The following TDP1 variants were observed in gnomAD, a reference collection of about 807,000 sequenced individuals.
TDP1 encodes the protein tyr-DNA phosphodiesterase 1.
In TDP1, 64 loss-of-function variants were observed where a neutral mutation model predicts 81.5. That is an observed-to-expected ratio of 0.79 (90% CI 0.64 to 0.97). The LOEUF is 0.97. Among genes scored for constraint, TDP1 ranks in the 50% least tolerant of loss-of-function variants. TDP1 has a pLI of 0.00. For synonymous variants in TDP1, 256 were observed against 264.3 expected, an observed-to-expected ratio of 0.97 and a Z score of 0.30; for missense variants, 723 against 743.8, an observed-to-expected ratio of 0.97 and a Z score of 0.33.
chr14:89,977,911 T>A (rs189164241), intron 7 of TDP1, among the ~76,000 whole-genome samples: 1 of 152,282 alleles, frequency 6.6e-6, no homozygotes, highest in East Asian at 1.9e-4. Flanking sequence ...TGTTTTAGAA[T>A]GGGAAAGCTC....
intron 15 of TDP1, among the ~76,000 whole-genome samples, chr14:90,020,633 C>T (rs1166328467): frequency 1.0e-4 from 6 of 57,804 alleles, no homozygotes; most frequent in Admixed American, 1.7e-4. Context: ...CCTCCCTCCC[C>T]GCCTTCCTTC....
At chr14:90,026,763 T>G (rs559509902) in intron 15 of TDP1, among the ~76,000 whole-genome samples, 2 of 152,182 alleles carry the variant, frequency 1.3e-5, no homozygotes, top group Admixed American at 1.3e-4. Context: ...TCCAGCTTCA[T>G]CCATGTCCCT....
intron 14 of TDP1, among the ~76,000 whole-genome samples, chr14:90,000,941 T>C (rs1897134604): frequency 6.6e-6 from 1 of 152,230 alleles, no homozygotes; most frequent in Admixed American, 6.5e-5. Context: ...CCATATTTAC[T>C]TGGGTATGTA....
chr14:90,015,980 T>C (rs1381706636), intron 14 of TDP1, among the ~76,000 whole-genome samples: 1 of 152,118 alleles, frequency 6.6e-6, no homozygotes, highest in African/African-American at 2.4e-5. Flanking sequence ...ATGTTTCCAA[T>C]TAGGTGGGCC....
intron 10 of TDP1, chr14:89,986,923 T>C (rs1188518053): frequency 6.6e-6 from 1 of 152,258 alleles, no homozygotes; most frequent in Non-Finnish European, 1.5e-5. Context: ...GCCCTCTAGG[T>C]AGGCATTCAG....
rs894712170 is a variant in TDP1 at position 90,036,627 on chromosome 14, T to G, written c.1753+3413T>G. On this transcript the variant is annotated intron_variant, in intron 16 of 16. Transcript: ENST00000335725. ...TGCAGTAGTTACTGTTTATTCATTCTCTCCACAGATCTATATTGAGAGCCT... is the reference window on the plus strand; with the variant it reads ...TGCAGTAGTTACTGTTTATTCATTCGCTCCACAGATCTATATTGAGAGCCT... Among the ~76,000 whole-genome samples, 3 of 152,210 alleles carry G rather than the reference T, an allele frequency of 2.0e-5. 1 individual carries two copies. Among genetic ancestry groups the G allele is most frequent in the Middle Eastern group, 3.4e-3 (1 of 294 alleles).
intron 6 of TDP1, among the ~76,000 whole-genome samples, chr14:89,971,852 C>G (rs770014364): frequency 7.2e-5 from 11 of 152,016 alleles, no homozygotes; most frequent in Non-Finnish European, 4.4e-5. Context: ...TTTGTGACAC[C>G]TTATGTAACT....
chr14:89,964,988 C>T, intron 3 of TDP1: 1 of 260,092 alleles, frequency 3.8e-6, no homozygotes, highest in Non-Finnish European at 7.7e-6. Flanking sequence ...TAGCACTCTA[C>T]CATGTGCCAT....
chr14:89,997,891 A>C (rs1418190540), intron 14 of TDP1, among the ~76,000 whole-genome samples: 1 of 152,112 alleles, frequency 6.6e-6, no homozygotes, highest in African/African-American at 2.4e-5. Context: ...TATGCACCAC[A>C]CACTTTTCTA....
chr14:89,987,849 G>A (rs116985495), intron 10 of TDP1, among the ~76,000 whole-genome samples: 2,360 of 152,176 alleles, frequency 0.016, 36 homozygotes, highest in Non-Finnish European at 0.024. Context: ...TTGGGGAATA[G>A]TAGGGAAAAA....
chr14:90,015,727 A>T (rs1469427021), intron 14 of TDP1, among the ~76,000 whole-genome samples: 1 of 152,126 alleles, frequency 6.6e-6, no homozygotes, highest in African/African-American at 2.4e-5. Flanking sequence ...TCTCCTTTAT[A>T]AGGGCACCAG....
rs891566847 is a variant in TDP1 at position 89,963,408 on chromosome 14, A to G, written c.294A>G (p.Pro98=). ...CLSSSDDELQ[P]EMPQKQAEKV... is the part of the protein sequence containing the mutation. ...CCAGCAGTGATGATGAGCTGCAACC[A>G]GAAATGCCGCAGAAGCAGGCTGAGA... Residue 98 remains proline, a synonymous_variant, in exon 3 of 17, where the codon CCA becomes CCG. Coordinates refer to ENST00000335725, the MANE Select transcript of TDP1 (RefSeq NM_018319.4). The G allele has an allele frequency of 1.2e-6, 2 of 1,614,094 alleles. No individual in the cohort carries two copies. Among genetic ancestry groups the G allele is most frequent in the African/African-American group, 2.7e-5 (2 of 74,944 alleles).
chr14:89,967,384 C>A lies in TDP1; in HGVS notation c.621C>A (p.Asp207Glu), dbSNP rs746662161. 8 of 1,613,922 alleles carry A rather than the reference C, an allele frequency of 5.0e-6. No homozygotes were observed. The African/African-American group carries it at 8.0e-5, about 16-fold the overall frequency. Residue 207 changes from aspartate (D) to glutamate (E), a missense_variant, in exon 5 of 17, where the codon GAC becomes GAA. Coordinates refer to ENST00000335725, the MANE Select transcript of TDP1 (RefSeq NM_018319.4). ...VSSAQFNYCFDVDWLVKQYPP... is the reference protein window; with the variant it reads ...VSSAQFNYCFEVDWLVKQYPP... ...CCATCTAGTTTAACTACTGCTTTGACGTGGACTGGCTCGTAAAACAGTATC... is the reference window on the plus strand; with the variant it reads ...CCATCTAGTTTAACTACTGCTTTGAAGTGGACTGGCTCGTAAAACAGTATC...
intron 14 of TDP1, among the ~76,000 whole-genome samples, chr14:90,011,039 C>T (rs1884639115): frequency 6.6e-6 from 1 of 152,232 alleles, no homozygotes; most frequent in Admixed American, 6.5e-5. Flanking sequence ...TTTTCCTGTG[C>T]TGTTCTCATG....
At chr14:90,001,874 C>T (rs1343159955) in intron 14 of TDP1, among the ~76,000 whole-genome samples, 1 of 151,620 alleles carries the variant, frequency 6.6e-6, no homozygotes, top group Non-Finnish European at 1.5e-5. Context: ...TTTTGAATAT[C>T]TTCTCACTGC....
At chr14:90,023,259 G>A (rs757093547) in intron 15 of TDP1, among the ~76,000 whole-genome samples, 7 of 152,186 alleles carry the variant, frequency 4.6e-5, no homozygotes, top group South Asian at 2.1e-4. Context: ...AAAGGAGTAT[G>A]AGCTTAACTG....
At chr14:89,961,879 C>G (rs144291731) in intron 2 of TDP1, among the ~76,000 whole-genome samples, 2 of 152,180 alleles carry the variant, frequency 1.3e-5, no homozygotes, top group Non-Finnish European at 2.9e-5. Flanking sequence ...AGCAGAAACT[C>G]GAAGATACTG....
intron 10 of TDP1, among the ~76,000 whole-genome samples, chr14:89,987,361 TTAAAGAAAGTGATGATA>T (rs1414206623): frequency 3.1e-4 from 47 of 152,132 alleles, no homozygotes; most frequent in Non-Finnish European, 5.4e-4. Context: ...GAAAGTGACT[TTAAAGAAAGTGATGATA>T]TAAAGAAAGT....
chr14:89,986,790 T>C (rs1039190114), intron 10 of TDP1, among the ~76,000 whole-genome samples: 1 of 152,262 alleles, frequency 6.6e-6, no homozygotes, highest in Non-Finnish European at 1.5e-5. Flanking sequence ...ATGGAAACTT[T>C]GGGCTTTTTG....
Sources: allele counts gnomAD v4.1 joint callset (sites outside exome capture counted in the v4.1 genomes callset), GRCh38; gene constraint gnomAD v4.1.1; transcripts MANE v1.5; gene names NCBI Gene and HGNC (gene_info 2026-07-23, HGNC 2026-07-21).